Variants in INTS9 observed in about 807,000 individuals in gnomAD.
The protein encoded by INTS9 is protein related to CPSF subunits of 74 kDa.
In INTS9, 55 loss-of-function variants were observed where a neutral mutation model predicts 79.7. That is an observed-to-expected ratio of 0.69 (90% CI 0.56 to 0.86). The LOEUF (loss-of-function observed/expected upper bound fraction) is 0.86. Ranked by LOEUF, INTS9 falls within the 40% of genes least tolerant of loss-of-function variation. INTS9 has a pLI of 0.00. For missense variants in INTS9, 721 were observed against 831.5 expected, an observed-to-expected ratio of 0.87 and a Z score of 1.64; for synonymous variants, 319 against 325.2, an observed-to-expected ratio of 0.98 and a Z score of 0.20.
chr8:28,810,153 G>C (rs1805027262), intron 8 of INTS9: 1 of 152,292 alleles, frequency 6.6e-6, no homozygotes, highest in Non-Finnish European at 1.5e-5. Context: ...AGCATGGTTG[G>C]CACCAACCCC....
intron 1 of INTS9, among the ~76,000 whole-genome samples, chr8:28,881,467 G>A (rs2131378993): frequency 8.4e-6 from 1 of 118,892 alleles, no homozygotes; most frequent in African/African-American, 3.0e-5. Flanking sequence ...GCCCCGTCCG[G>A]GAGGGGGGAG....
In INTS9 at chr8:28,812,413, G is replaced by T; in HGVS notation, c.658C>A (p.Leu220Ile). ...TGGATGATCCAGTTGGAGCTCCCAAGGGCATAGCCAGAGCTCAGAGGAGTC... is the reference window on the plus strand; with the variant it reads ...TGGATGATCCAGTTGGAGCTCCCAATGGCATAGCCAGAGCTCAGAGGAGTC... ...QVTPLSSGYA[L>I]GSSNWIIQSH... Residue 220 changes from leucine to isoleucine, a missense_variant, in exon 8 of 17, where the codon CTT becomes ATT. Coordinates refer to ENST00000521022, the MANE Select transcript of INTS9 (RefSeq NM_018250.4). The T allele has an allele frequency of 1.2e-6, 2 of 1,614,014 alleles. No homozygotes were observed. The highest frequency in any genetic ancestry group is 1.7e-6 in the Non-Finnish European group (2 of 1,179,922).
chr8:28,785,748 C>T (rs567375514), intron 11 of INTS9, among the ~76,000 whole-genome samples: 3 of 152,262 alleles, frequency 2.0e-5, no homozygotes, highest in South Asian at 2.1e-4. Flanking sequence ...CTGGAAGATA[C>T]GTATGTGCAC....
chr8:28,876,370 A>C (rs1433890630), intron 1 of INTS9, among the ~76,000 whole-genome samples: 1 of 152,232 alleles, frequency 6.6e-6, no homozygotes, highest in Non-Finnish European at 1.5e-5. Context: ...GGCTTACAAG[A>C]TATAATTAAC....
At chr8:28,801,502 C>CAAAAAAA (rs1408593867) in intron 8 of INTS9, among the ~76,000 whole-genome samples, 1 of 65,068 alleles carries the variant, frequency 1.5e-5, no homozygotes, top group East Asian at 3.6e-4. Context: ...AACAAACAAA[C>CAAAAAAA]AAACAAAAAA....
chr8:28,830,460 C>T (rs928870057), intron 6 of INTS9, among the ~76,000 whole-genome samples: 1 of 151,416 alleles, frequency 6.6e-6, no homozygotes, highest in African/African-American at 2.4e-5. Flanking sequence ...AAGGTGAAAC[C>T]CAAAAAATAC....
intron 11 of INTS9, among the ~76,000 whole-genome samples, chr8:28,785,152 G>C (rs1438736996): frequency 6.6e-6 from 1 of 152,246 alleles, no homozygotes; most frequent in East Asian, 1.9e-4. Flanking sequence ...GCCACGCAAT[G>C]TCAGTTAGTC....
intron 6 of INTS9, among the ~76,000 whole-genome samples, chr8:28,828,008 A>T (rs866186298): frequency 1.3e-5 from 2 of 152,188 alleles, no homozygotes; most frequent in East Asian, 3.8e-4. Context: ...GAGTGAAATG[A>T]AACGGTGAAG....
At chr8:28,776,929 T>C (rs1038515247) in intron 13 of INTS9, among the ~76,000 whole-genome samples, 11 of 152,282 alleles carry the variant, frequency 7.2e-5, no homozygotes, top group African/African-American at 2.4e-4. Flanking sequence ...TGAGCATACA[T>C]TGGGGTAGCG....
At chr8:28,817,730 A>G (rs1805581274) in intron 6 of INTS9, among the ~76,000 whole-genome samples, 1 of 106,496 alleles carries the variant, frequency 9.4e-6, no homozygotes, top group African/African-American at 3.9e-5. Context: ...CATTGAATCT[A>G]TAAATTACCT....
chr8:28,821,104 TA>T (rs1185042497), intron 6 of INTS9, among the ~76,000 whole-genome samples: 2 of 152,124 alleles, frequency 1.3e-5, no homozygotes, highest in Admixed American at 1.3e-4. Context: ...TGAGGAATCT[TA>T]AACATCCTGC....
At chr8:28,844,989 T>A (rs756312635) in intron 4 of INTS9, among the ~76,000 whole-genome samples, 5 of 152,228 alleles carry the variant, frequency 3.3e-5, no homozygotes, top group Non-Finnish European at 7.3e-5. Flanking sequence ...CAAATTGTCA[T>A]AATGAAAAAC....
chr8:28,768,425 C>T (rs750768905), intron 16 of INTS9, 103 bp from the exon 17 acceptor site: 30 of 1,032,756 alleles, frequency 2.9e-5, no homozygotes, highest in African/African-American at 4.7e-5. Flanking sequence ...GAAACTGACA[C>T]GTCTCAACAC....
chr8:28,783,199 T>C (rs1250464273), intron 11 of INTS9, among the ~76,000 whole-genome samples: 1 of 150,928 alleles, frequency 6.6e-6, no homozygotes, highest in Non-Finnish European at 1.5e-5. Context: ...CTCAAAGCTT[T>C]CTTTCAAGTG....
chr8:28,869,555 A>T (rs922091578), intron 1 of INTS9, among the ~76,000 whole-genome samples: 2 of 152,218 alleles, frequency 1.3e-5, no homozygotes, highest in Non-Finnish European at 2.9e-5. Flanking sequence ...GCTGGCTTCC[A>T]CTGAGCCAAA....
chr8:28,835,457 G>T, intron 5 of INTS9, 79 bp from the exon 6 acceptor site: 1 of 823,412 alleles, frequency 1.2e-6, no homozygotes, highest in South Asian at 2.1e-5. Context: ...TTGGCCAGGA[G>T]AAATGACTTG....
chr8:28,782,546 TACACGCAC>T (rs1315716403), intron 11 of INTS9, among the ~76,000 whole-genome samples: 1 of 152,228 alleles, frequency 6.6e-6, no homozygotes, highest in Admixed American at 6.5e-5. Flanking sequence ...CATGCACACA[TACACGCAC>T]ACACACATGC....
In INTS9 at chr8:28,793,907, A is replaced by ATAGGCACTCCAG. The variant is rs1231802478; in HGVS notation, c.925_936dup (p.Leu309_Leu312dup). On this transcript the variant is annotated inframe_insertion, in exon 10 of 17. Coordinates refer to ENST00000521022, the MANE Select transcript of INTS9 (RefSeq NM_018250.4). The stretch of plus-strand genomic sequence containing the variant: ...AGCCCGGCTGAGTCGATGTACTGAT[A>ATAGGCACTCCAG]TAGGCACTCCAGGAGGTCATAGATC... The ATAGGCACTCCAG allele has an allele frequency of 1.5e-5, 24 of 1,614,132 alleles. No individual in the cohort carries two copies. Among genetic ancestry groups the ATAGGCACTCCAG allele is most frequent in the Admixed American group, 3.3e-5 (2 of 60,018 alleles).
At chr8:28,881,223 C>T (rs1394250645) in intron 1 of INTS9, among the ~76,000 whole-genome samples, 29 of 145,022 alleles carry the variant, frequency 2.0e-4, no homozygotes, top group South Asian at 6.6e-4. Context: ...CCCCTCTGCC[C>T]GGCCAGTCGC....
Sources: allele counts gnomAD v4.1 joint callset (sites outside exome capture counted in the v4.1 genomes callset), GRCh38; gene constraint gnomAD v4.1.1; transcripts MANE v1.5; gene names NCBI Gene and HGNC (gene_info 2026-07-23, HGNC 2026-07-21).